Variants in IL20RA observed in about 807,000 individuals in gnomAD.
IL20RA encodes the protein interleukin 20 receptor subunit alpha, also known as interleukin-20 receptor subunit alpha.
Under a neutral mutation model 36.5 loss-of-function variants are expected in IL20RA, and 29 were observed. The ratio of observed to expected loss-of-function variants is 0.79; its 90% CI spans 0.59 to 1.08. The LOEUF is 1.08. Ranked by LOEUF, IL20RA falls within the 50% of genes least tolerant of loss-of-function variation. IL20RA has a pLI of 0.00. For missense variants in IL20RA, 652 were observed against 668.4 expected (o/e 0.98, Z 0.27); for synonymous variants, 279 against 267.1 (o/e 1.04, Z -0.43).
intron 1 of IL20RA, among the ~76,000 whole-genome samples, chr6:137,040,946 G>A (rs1016506509): frequency 1.3e-4 from 20 of 152,244 alleles, no homozygotes; most frequent in Admixed American, 8.5e-4. Flanking sequence ...GTGAAAAATC[G>A]TAACTTTATA....
intron 3 of IL20RA, 30 bp from the exon 4 acceptor site, chr6:137,009,522 T>A (rs755110982): frequency 6.9e-7 from 1 of 1,454,060 alleles, no homozygotes; most frequent in Admixed American, 1.7e-5. Context: ...GGTATTATCA[T>A]GTTCAGATGA....
At chr6:137,016,625 T>C (rs1218866546) in intron 2 of IL20RA, among the ~76,000 whole-genome samples, 1 of 152,140 alleles carries the variant, frequency 6.6e-6, no homozygotes, top group African/African-American at 2.4e-5. Flanking sequence ...GTGCACGCGG[T>C]TTCAAGGAGT....
At chr6:137,035,532 G>C (rs1353191838) in intron 1 of IL20RA, among the ~76,000 whole-genome samples, 1 of 152,124 alleles carries the variant, frequency 6.6e-6, no homozygotes, top group Non-Finnish European at 1.5e-5. Context: ...AAGGGCCCTT[G>C]TTTTCTTGTT....
chr6:137,005,661 GTTGTTT>G (rs1203515866), intron 5 of IL20RA, among the ~76,000 whole-genome samples: 3 of 151,996 alleles, frequency 2.0e-5, no homozygotes, highest in East Asian at 1.9e-4. Flanking sequence ...TGTTGTTGTT[GTTGTTT>G]TTTTTAATGG....
At position 137,008,749 on chromosome 6, in the gene IL20RA, A is replaced by T; in HGVS notation, c.580-6T>A. The stretch of plus-strand genomic sequence containing the variant: ...TTGGTCACACACTGGGACCACTAGG[A>T]TAGGGAATTGCAAACATTGGTTAGA... On this transcript the variant is annotated splice_region_variant and splice_polypyrimidine_tract_variant and intron_variant, in intron 4 of 6. Coordinates refer to ENST00000316649, the MANE Select transcript of IL20RA (RefSeq NM_014432.4). The T allele has an allele frequency of 6.3e-7, 1 of 1,576,834 alleles. No homozygotes were observed. The highest frequency in any genetic ancestry group is 8.6e-7 in the Non-Finnish European group (1 of 1,162,326).
intron 1 of IL20RA, among the ~76,000 whole-genome samples, chr6:137,023,978 C>T (rs1775998187): frequency 6.6e-6 from 1 of 152,138 alleles, no homozygotes; most frequent in Non-Finnish European, 1.5e-5. Context: ...CCTGTAATCC[C>T]AGCTACTTGG....
rs1212223564 is a variant in IL20RA, at chr6:137,000,462, TG to T, written c.*1095del. 1 of 152,180 alleles carries T rather than the reference TG, an allele frequency of 6.6e-6. No individual in the cohort carries two copies. The highest frequency in any genetic ancestry group is 1.5e-5 in the Non-Finnish European group (1 of 68,030). The allele number at this position is 152,180 out of a possible 1,614,324, so 9.4% of individuals were successfully genotyped here. On this transcript the variant is annotated 3_prime_UTR_variant, in exon 7 of 7. Coordinates refer to ENST00000316649, the MANE Select transcript of IL20RA (RefSeq NM_014432.4). ...TGAAGAATTTAATTTTCTTAACAAG[TG>T]GTAAAGGAGATGGGAACAGTTACTG...
intron 4 of IL20RA, 81 bp from the exon 5 acceptor site, chr6:137,008,824 G>A (rs1775366745): frequency 2.7e-6 from 2 of 731,364 alleles, no homozygotes; most frequent in South Asian, 2.9e-5. Flanking sequence ...GAAGGAAATA[G>A]AAGACCAAGG....
At chr6:137,008,485 C>T in intron 5 of IL20RA, 114 bp downstream of exon 5, 1 of 1,141,760 alleles carries the variant, frequency 8.8e-7, no homozygotes, top group Non-Finnish European at 1.2e-6. Flanking sequence ...CTGCCTTTGC[C>T]TCAACCTGTT....
chr6:137,044,558 G>A, intron 1 of IL20RA, 83 bp downstream of exon 1: 2 of 1,183,048 alleles, frequency 1.7e-6, no homozygotes, highest in Non-Finnish European at 2.1e-6. Context: ...GGCAGGAGGG[G>A]AGAGCTCGGC....
intron 1 of IL20RA, among the ~76,000 whole-genome samples, chr6:137,043,573 A>G (rs1485383089): frequency 6.6e-6 from 1 of 152,208 alleles, no homozygotes; most frequent in Non-Finnish European, 1.5e-5. Flanking sequence ...TATAATAGCT[A>G]TCGTTCAAAA....
At chr6:137,024,465 T>C (rs1406216595) in intron 1 of IL20RA, among the ~76,000 whole-genome samples, 2 of 152,226 alleles carry the variant, frequency 1.3e-5, no homozygotes, top group African/African-American at 4.8e-5. Flanking sequence ...TCTGAGATAT[T>C]TGAGATTTCA....
At position 137,008,765 on chromosome 6, in the gene IL20RA, A is replaced by G. The variant is rs376980743; in HGVS notation, c.580-22T>C. ...ACCACTAGGATAGGGAATTGCAAAC[A>G]TTGGTTAGAGCCAGACATTTCTGGG... On this transcript the variant is annotated intron_variant, in intron 4 of 6. Transcript: ENST00000316649. The G allele has an allele frequency of 8.4e-6, 13 of 1,549,386 alleles. No homozygotes were observed. The African/African-American group carries it at 9.6e-5, about 11-fold the overall frequency.
At chr6:137,025,765 T>C (rs1047012243) in intron 1 of IL20RA, among the ~76,000 whole-genome samples, 5 of 152,250 alleles carry the variant, frequency 3.3e-5, no homozygotes, top group African/African-American at 9.6e-5. Context: ...TCAAAGTGAA[T>C]ACTAGGGTTG....
chr6:137,014,298 T>C (rs1775595968), intron 2 of IL20RA, among the ~76,000 whole-genome samples: 1 of 152,226 alleles, frequency 6.6e-6, no homozygotes, highest in Non-Finnish European at 1.5e-5. Flanking sequence ...ATTCAGAAAG[T>C]ATAATCAAAA....
At chr6:137,029,926 A>G (rs1446744227) in intron 1 of IL20RA, among the ~76,000 whole-genome samples, 1 of 83,360 alleles carries the variant, frequency 1.2e-5, no homozygotes, top group Non-Finnish European at 2.8e-5. Flanking sequence ...TGCAAGAAAA[A>G]AATAATAGAA....
At chr6:137,043,957 G>T in intron 1 of IL20RA, 4 of 300,004 alleles carry the variant, frequency 1.3e-5, no homozygotes, top group Non-Finnish European at 2.0e-5. Flanking sequence ...CAAACAAAAC[G>T]AAAGAGCTCT....
At chr6:137,010,560 G>A (rs182533411) in intron 3 of IL20RA, among the ~76,000 whole-genome samples, 1 of 152,302 alleles carries the variant, frequency 6.6e-6, no homozygotes, top group Non-Finnish European at 1.5e-5. Flanking sequence ...TGGACTTATG[G>A]AGCACTTGCA....
At chr6:137,015,641 C>T (rs1165808072) in intron 2 of IL20RA, among the ~76,000 whole-genome samples, 1 of 152,070 alleles carries the variant, frequency 6.6e-6, no homozygotes, top group Non-Finnish European at 1.5e-5. Context: ...CTTTTGCTCT[C>T]CATAATTTTT....
Sources: allele counts gnomAD v4.1 joint callset (sites outside exome capture counted in the v4.1 genomes callset), GRCh38; gene constraint gnomAD v4.1.1; transcripts MANE v1.5; gene names NCBI Gene and HGNC (gene_info 2026-07-23, HGNC 2026-07-21).